SDHAF3: variants seen among roughly 807,000 people sequenced by gnomAD.
The protein encoded by SDHAF3 is succinate dehydrogenase assembly factor 3, mitochondrial.
A neutral mutation model predicts 11.5 loss-of-function variants in SDHAF3; 18 were observed. The observed-to-expected ratio is 1.56, with a 90% CI of 1.08 to 2.32. The LOEUF is 2.32. SDHAF3 is among the 30% of genes most tolerant of loss of function. The pLI is 0.00. For missense variants in SDHAF3, 200 were observed against 154.4 expected (o/e 1.30, Z -1.57); for synonymous variants, 72 against 59.3 (o/e 1.21, Z -0.99).
intron 1 of SDHAF3, among the ~76,000 whole-genome samples, chr7:97,161,527 GCACCCATCAACCCGT>G (rs1490818896): frequency 6.6e-6 from 1 of 151,970 alleles, no homozygotes; most frequent in Non-Finnish European, 1.5e-5. Context: ...GTGCTTTGCT[GCACCCATCAACCCGT>G]CACCTACATT....
At position 97,117,723 on chromosome 7, in the gene SDHAF3, T is replaced by A. The variant is rs371380686; in HGVS notation, c.-1T>A. ...GCAGTCGGCGGTCGGCGTGGGGCGCTATGCCGGGGCGGCACGTTTCTCGAG... is the reference window on the plus strand; with the variant it reads ...GCAGTCGGCGGTCGGCGTGGGGCGCAATGCCGGGGCGGCACGTTTCTCGAG... On this transcript the variant is annotated 5_prime_UTR_variant, in exon 1 of 2. Coordinates refer to ENST00000432641, the MANE Select transcript of SDHAF3 (RefSeq NM_020186.3). 2.0e-4 allele frequency: 315 copies of A among 1,611,354 alleles called. No homozygotes were observed. Among genetic ancestry groups the A allele is most frequent in the Non-Finnish European group, 2.5e-4 (291 of 1,178,598 alleles).
intron 1 of SDHAF3, among the ~76,000 whole-genome samples, chr7:97,161,322 A>T (rs977971976): frequency 3.1e-4 from 47 of 152,310 alleles, no homozygotes; most frequent in African/African-American, 1.1e-3. Flanking sequence ...CTACCCCATC[A>T]TAAGTCAGCA....
At chr7:97,159,726 A>T (rs1206378462) in intron 1 of SDHAF3, among the ~76,000 whole-genome samples, 1 of 152,184 alleles carries the variant, frequency 6.6e-6, no homozygotes, top group Admixed American at 6.5e-5. Flanking sequence ...ACATGGAAGT[A>T]GATAAGAGTG....
intron 1 of SDHAF3, among the ~76,000 whole-genome samples, chr7:97,125,086 C>T (rs942293818): frequency 6.6e-6 from 1 of 151,994 alleles, no homozygotes; most frequent in Non-Finnish European, 1.5e-5. Flanking sequence ...AAAGGGAATG[C>T]TTTATCATTT....
intron 1 of SDHAF3, among the ~76,000 whole-genome samples, chr7:97,157,642 A>G (rs1032487439): frequency 2.0e-5 from 3 of 152,198 alleles, no homozygotes; most frequent in Non-Finnish European, 2.9e-5. Context: ...ATTATAAATC[A>G]TGCTGCTATA....
intron 1 of SDHAF3, among the ~76,000 whole-genome samples, chr7:97,151,664 A>G (rs938418836): frequency 6.6e-6 from 1 of 151,820 alleles, no homozygotes; most frequent in Admixed American, 6.6e-5. Flanking sequence ...ATGCCTGGCT[A>G]ATTTTTTTGT....
At chr7:97,141,304 T>C (rs1349347844) in intron 1 of SDHAF3, among the ~76,000 whole-genome samples, 1 of 152,162 alleles carries the variant, frequency 6.6e-6, no homozygotes, top group African/African-American at 2.4e-5. Flanking sequence ...TCTTGTGATA[T>C]CTTATTACCT....
intron 1 of SDHAF3, among the ~76,000 whole-genome samples, chr7:97,128,909 T>C (rs1361187433): frequency 2.0e-5 from 3 of 152,114 alleles, no homozygotes; most frequent in Non-Finnish European, 4.4e-5. Flanking sequence ...CTTGCTCTGT[T>C]GCCCAGTCTG....
In SDHAF3 at chr7:97,135,612, TGTGTGTGTGAGATGTATGTGC is replaced by T. The variant is rs1791746309; in HGVS notation, c.174+17719_174+17739del. 3 of 150,588 alleles carry T rather than the reference TGTGTGTGTGAGATGTATGTGC, an allele frequency of 2.0e-5. No homozygotes were observed. In the South Asian group the frequency reaches 6.4e-4, roughly 32 times the overall value. The allele number at this position is 150,588 out of a possible 1,614,324, so 9.3% of individuals were successfully genotyped here. ...GTGTGTGTGTGTGTGTCTGTGTGTG[TGTGTGTGTGAGATGTATGTGC>T]GTGCGTGTGTGTGTGTGTGTGTGTG... is the stretch of plus-strand genomic sequence containing the variant. On this transcript the variant is annotated intron_variant, in intron 1 of 1. Coordinates refer to ENST00000432641, the MANE Select transcript of SDHAF3 (RefSeq NM_020186.3).
At chr7:97,139,004 G>T (rs1180147018) in intron 1 of SDHAF3, among the ~76,000 whole-genome samples, 1 of 152,212 alleles carries the variant, frequency 6.6e-6, no homozygotes, top group East Asian at 1.9e-4. Flanking sequence ...CAGCCTGCCT[G>T]TGCTACAGCT....
intron 1 of SDHAF3, among the ~76,000 whole-genome samples, chr7:97,163,890 TTA>T (rs1367564682): frequency 6.6e-6 from 1 of 152,146 alleles, no homozygotes; most frequent in Non-Finnish European, 1.5e-5. Context: ...TGTAAGGATT[TTA>T]TTTCTCCTCC....
chr7:97,164,936 A>G, intron 1 of SDHAF3, among the ~76,000 whole-genome samples: 1 of 152,226 alleles, frequency 6.6e-6, no homozygotes, highest in East Asian at 1.9e-4. Context: ...TAGGGAATAT[A>G]GTTTGAAATA....
chr7:97,137,868 C>CT (rs11381462), intron 1 of SDHAF3, among the ~76,000 whole-genome samples: 41,435 of 69,000 alleles, frequency 0.6, 13,746 homozygotes, highest in Non-Finnish European at 0.63. Flanking sequence ...ATTCCATTCG[C>CT]TTTTTTTTTT....
At chr7:97,151,372 G>A (rs190448442) in intron 1 of SDHAF3, among the ~76,000 whole-genome samples, 26 of 152,216 alleles carry the variant, frequency 1.7e-4, no homozygotes, top group Admixed American at 1.7e-3. Flanking sequence ...AGGACAGACA[G>A]GCTTTGGGAG....
chr7:97,148,230 T>A (rs1422851518), intron 1 of SDHAF3, among the ~76,000 whole-genome samples: 1 of 152,150 alleles, frequency 6.6e-6, no homozygotes, highest in Non-Finnish European at 1.5e-5. Context: ...CATCAGATGT[T>A]TCACCTTTAA....
At chr7:97,121,044 A>T (rs568556496) in intron 1 of SDHAF3, among the ~76,000 whole-genome samples, 7 of 152,308 alleles carry the variant, frequency 4.6e-5, no homozygotes, top group African/African-American at 1.7e-4. Context: ...TAAGAGAAAA[A>T]ATTTAAGTTC....
intron 1 of SDHAF3, among the ~76,000 whole-genome samples, chr7:97,175,627 A>G (rs1789668149): frequency 6.6e-6 from 1 of 152,210 alleles, no homozygotes; most frequent in Non-Finnish European, 1.5e-5. Context: ...GATTCAGACT[A>G]TAAGCAAGTT....
chr7:97,151,899 C>T (rs545939561), intron 1 of SDHAF3, among the ~76,000 whole-genome samples: 1 of 152,208 alleles, frequency 6.6e-6, no homozygotes, highest in African/African-American at 2.4e-5. Flanking sequence ...CACTGGTTCC[C>T]TGCTGTTCCC....
chr7:97,143,843 A>G (rs777459819), intron 1 of SDHAF3, among the ~76,000 whole-genome samples: 2 of 152,186 alleles, frequency 1.3e-5, no homozygotes, highest in Non-Finnish European at 2.9e-5. Flanking sequence ...TCCTCTGGGT[A>G]GATACCCAGT....
Sources: allele counts gnomAD v4.1 joint callset (sites outside exome capture counted in the v4.1 genomes callset), GRCh38; gene constraint gnomAD v4.1.1; transcripts MANE v1.5; gene names NCBI Gene and HGNC (gene_info 2026-07-23, HGNC 2026-07-21).